PRDM15: variants seen among roughly 807,000 people sequenced by gnomAD.
The protein encoded by PRDM15 is PR/SET domain 15.
A neutral mutation model predicts 128.6 loss-of-function variants in PRDM15; 64 were observed. The observed-to-expected ratio is 0.50, with a 90% CI of 0.41 to 0.61. PRDM15 has a LOEUF of 0.61. Among genes scored for constraint, PRDM15 ranks in the 20% least tolerant of loss-of-function variants. The pLI is 0.00. For synonymous variants in PRDM15, 615 were observed against 621.8 expected (o/e 0.99, Z 0.16); for missense variants, 1,242 against 1,569.1 (o/e 0.79, Z 3.52).
Position 41,836,151 on chromosome 21 carries a change from G to A in PRDM15, c.1240C>T (p.Leu414=). The A allele has an allele frequency of 1.9e-6, 3 of 1,614,028 alleles. No individual in the cohort carries two copies. Among genetic ancestry groups the A allele is most frequent in the Non-Finnish European group, 2.5e-6 (3 of 1,180,006 alleles). Reference sequence around the variant, plus strand: ...TGCTTGTAGGAAACGTGCTGCTTTAGGCTCTCTTTGCGGCTGAACAATTTT... The same window carrying A: ...TGCTTGTAGGAAACGTGCTGCTTTAAGCTCTCTTTGCGGCTGAACAATTTT... ...CAKLFSRKES[L]KQHVSYKHSR... Residue 414 remains leucine (L), a synonymous_variant, in exon 10 of 24, where the codon CTA becomes TTA. Transcript: ENST00000398548.
At chr21:41,871,399 T>C in intron 1 of PRDM15, 2 of 926,750 alleles carry the variant, frequency 2.2e-6, no homozygotes, top group Non-Finnish European at 2.7e-6. Flanking sequence ...ACCCTCTCTG[T>C]CACTGTCCCT....
At chr21:41,855,333 G>A (rs1238031951) in intron 4 of PRDM15, among the ~76,000 whole-genome samples, 2 of 152,210 alleles carry the variant, frequency 1.3e-5, no homozygotes, top group African/African-American at 4.8e-5. Context: ...CTATCAAACA[G>A]CACTATTGCT....
Position 41,862,164 on chromosome 21 carries a change from G to A in PRDM15, c.-9-1792C>T, listed in dbSNP as rs114035378. Among the ~76,000 whole-genome samples the A allele has an allele frequency of 6.9e-3, 1,045 of 152,314 alleles. 7 individuals carry two copies. Among genetic ancestry groups the A allele is most frequent in the African/African-American group, 0.021 (888 of 41,578 alleles). ...GAGTTGCTGCTGTGCTACTGGAGGT[G>A]TAGGACCTGCGTGCCCCCTGCAGGA... On this transcript the variant is annotated intron_variant, in intron 1 of 23. Transcript: ENST00000398548. The surrounding 1 kb of genome is among the most constrained non-coding windows in gnomAD (Gnocchi z 4.1).
intron 18 of PRDM15, among the ~76,000 whole-genome samples, chr21:41,819,020 A>G (rs2062151436): frequency 6.6e-6 from 1 of 152,182 alleles, no homozygotes; most frequent in East Asian, 1.9e-4. Context: ...GGCTTTGGGA[A>G]TCATTCTATA....
chr21:41,839,985 T>C (rs899903882), intron 6 of PRDM15, 132 bp from the exon 7 acceptor site: 2 of 687,782 alleles, frequency 2.9e-6, no homozygotes, highest in Non-Finnish European at 2.5e-6. Context: ...AAGTGAACTT[T>C]ATTTCTACTG....
At position 41,801,110 on chromosome 21, in the gene PRDM15, A is replaced by G. The variant is rs1283575642; in HGVS notation, c.*130T>C. The G allele has an allele frequency of 4.0e-5, 52 of 1,310,902 alleles. No homozygotes were observed. The highest frequency in any genetic ancestry group is 4.1e-5 in the Non-Finnish European group (40 of 971,580). 81.2% of individuals were successfully genotyped at this position (1,310,902 alleles called of 1,614,324 possible). ...GGTTGCTGGCGGGGGATCTGGAGAT[A>G]CTCTGCAAAGCTAAGTCAACCTTAC... On this transcript the variant is annotated 3_prime_UTR_variant, in exon 24 of 24. Transcript: ENST00000398548.
At position 41,811,071 on chromosome 21, in the gene PRDM15, AG is replaced by A. The variant is rs1304787757; in HGVS notation, c.2393-236del. ...ATCAAAAAAACATGAGATGTGGGAAAGGCTGTCTGAAAACACAGACAGAAAG... is the reference window on the plus strand; with the variant it reads ...ATCAAAAAAACATGAGATGTGGGAAAGCTGTCTGAAAACACAGACAGAAAG... On this transcript the variant is annotated intron_variant, in intron 19 of 23. Transcript: ENST00000398548. This position sits in a 1 kb window ranked among gnomAD's most constrained non-coding sequence, Gnocchi z 4.1. The A allele has an allele frequency of 3.9e-6, 2 of 509,704 alleles. No individual in the cohort carries two copies. The highest frequency in any genetic ancestry group is 7.1e-6 in the Non-Finnish European group (2 of 281,654). 31.6% of individuals were successfully genotyped at this position (509,704 alleles called of 1,614,324 possible). A position where few individuals can be genotyped will look rare whatever the true frequency, so the allele number is the denominator to read the frequency against.
chr21:41,855,339 T>C (rs1056824867), intron 4 of PRDM15, among the ~76,000 whole-genome samples: 2 of 152,220 alleles, frequency 1.3e-5, no homozygotes, highest in Non-Finnish European at 2.9e-5. Context: ...AACAGCACTA[T>C]TGCTTTATGG....
chr21:41,817,978 C>G (rs2062109544), intron 18 of PRDM15, among the ~76,000 whole-genome samples: 1 of 152,250 alleles, frequency 6.6e-6, no homozygotes, highest in Non-Finnish European at 1.5e-5. Context: ...CCTTGCCTCC[C>G]AGGGCATCTG....
At chr21:41,839,597 A>G in intron 7 of PRDM15, 26 bp downstream of exon 7, 1 of 1,591,280 alleles carries the variant, frequency 6.3e-7, no homozygotes. Flanking sequence ...CCACGCAGGC[A>G]CTCATCCCCG....
In PRDM15 at chr21:41,828,750, C is replaced by T. The variant is rs1601251531; in HGVS notation, c.1367-417G>A. On this transcript the variant is annotated intron_variant, in intron 11 of 23. Coordinates refer to ENST00000398548, the MANE Select transcript of PRDM15 (RefSeq NM_001040424.3). The surrounding 1 kb of genome is among the most constrained non-coding windows in gnomAD (Gnocchi z 5.7). Reference sequence around the variant, plus strand: ...CCTACCAACCAACCAACCAACCACCCGAGCAACTGACCACCCGACCAATGT... The same window carrying T: ...CCTACCAACCAACCAACCAACCACCTGAGCAACTGACCACCCGACCAATGT... Among the ~76,000 whole-genome samples the T allele has an allele frequency of 1.7e-5, 2 of 118,844 alleles. No individual in the cohort carries two copies. Among genetic ancestry groups the T allele is most frequent in the African/African-American group, 2.9e-5 (1 of 34,280 alleles). 78.0% of individuals were successfully genotyped at this position (118,844 alleles called of 152,430 possible).
At chr21:41,871,404 G>T in intron 1 of PRDM15, 1 of 1,011,000 alleles carries the variant, frequency 9.9e-7, no homozygotes, top group Non-Finnish European at 1.3e-6. Flanking sequence ...CTCTGTCACT[G>T]TCCCTCTTAA....
In PRDM15 at chr21:41,801,669, G is replaced by A; in HGVS notation, c.2997C>T (p.Gly999=). ...PNVTTPSSSV[G]LTNITVTPIT... is the part of the protein sequence containing the mutation. ...TGGGGGTCACGGTGATGTTGGTTAA[G>A]CCGACTGAGCTCGATGGTGTGGTCA... Residue 999 remains glycine, a synonymous_variant, in exon 24 of 24, where the codon GGC becomes GGT. Coordinates refer to ENST00000398548, the MANE Select transcript of PRDM15 (RefSeq NM_001040424.3). 6.2e-7 allele frequency: 1 copy of A among 1,614,176 alleles called. No individual in the cohort carries two copies. Among genetic ancestry groups the A allele is most frequent in the Non-Finnish European group, 8.5e-7 (1 of 1,180,036 alleles).
At chr21:41,839,347 A>C (rs1347183539) in intron 7 of PRDM15, among the ~76,000 whole-genome samples, 1 of 152,202 alleles carries the variant, frequency 6.6e-6, no homozygotes. Context: ...CGAGACAGAA[A>C]TGTCCTCTAC....
chr21:41,855,443 T>A (rs1008932871), intron 4 of PRDM15, among the ~76,000 whole-genome samples: 1 of 152,214 alleles, frequency 6.6e-6, no homozygotes, highest in African/African-American at 2.4e-5. Flanking sequence ...CCTTATTTTC[T>A]GATGTCATGG....
At chr21:41,874,502 C>CATATATATATATAT (rs756151491) in intron 1 of PRDM15, among the ~76,000 whole-genome samples, 3 of 118,686 alleles carry the variant, frequency 2.5e-5, no homozygotes, top group Non-Finnish European at 5.1e-5. Context: ...AAGCAGCATG[C>CATATATATATATAT]ATATATATAT....
intron 7 of PRDM15, among the ~76,000 whole-genome samples, chr21:41,839,198 GAGA>G (rs1182715683): frequency 1.3e-5 from 2 of 152,236 alleles, no homozygotes; most frequent in Admixed American, 1.3e-4. Context: ...AGCAATCCAG[GAGA>G]AGGAGCCACA....
chr21:41,825,028 G>C (rs947179251), intron 13 of PRDM15, among the ~76,000 whole-genome samples: 2 of 152,186 alleles, frequency 1.3e-5, no homozygotes, highest in Non-Finnish European at 2.9e-5. Context: ...CCCTCCCCTC[G>C]GCGGCTCCTA....
chr21:41,866,452 C>T (rs8129825), intron 1 of PRDM15, among the ~76,000 whole-genome samples: 61,277 of 152,242 alleles, frequency 0.4, 12,512 homozygotes, highest in African/African-American at 0.46. Context: ...CCTGGGGTCT[C>T]TCTCCTTAGT....
Sources: gnomAD v4.1 joint callset for allele counts (sites outside exome capture counted in the v4.1 genomes callset) on GRCh38, gnomAD v4.1.1 for gene constraint, Gnocchi (gnomAD v3.1) non-coding constraint, MANE v1.5 for transcripts, NCBI Gene and HGNC (gene_info 2026-07-23, HGNC 2026-07-21) for gene names.